NEK1: variants seen among roughly 807,000 people sequenced by gnomAD.
NEK1 encodes the protein NIMA related kinase 1, also known as serine/threonine-protein kinase Nek1.
A neutral mutation model predicts 182.1 loss-of-function variants in NEK1; 137 were observed. That is an observed-to-expected ratio of 0.75 (90% CI 0.65 to 0.87). The LOEUF (loss-of-function observed/expected upper bound fraction) is 0.87. NEK1 is among the 40% of genes least tolerant of loss of function. The pLI is 0.00. For synonymous variants in NEK1, 513 were observed against 492.2 expected, an observed-to-expected ratio of 1.04 and a Z score of -0.56; for missense variants, 1,391 against 1,494.4, an observed-to-expected ratio of 0.93 and a Z score of 1.14.
intron 2 of NEK1, among the ~76,000 whole-genome samples, chr4:169,608,783 G>A (rs1161778896): frequency 6.6e-6 from 1 of 152,072 alleles, no homozygotes; most frequent in Non-Finnish European, 1.5e-5. Flanking sequence ...TTTTGGCCGG[G>A]CATGGTGGCT....
chr4:169,414,874 T>C (rs1734269384), intron 31 of NEK1, among the ~76,000 whole-genome samples: 1 of 152,200 alleles, frequency 6.6e-6, no homozygotes, highest in South Asian at 2.1e-4. Flanking sequence ...ACAAAAAAGT[T>C]TTCATGAAGA....
chr4:169,574,328 GC>G (rs1483503808), intron 12 of NEK1, among the ~76,000 whole-genome samples: 2 of 152,222 alleles, frequency 1.3e-5, no homozygotes, highest in Non-Finnish European at 2.9e-5. Flanking sequence ...GGGCGTGGTG[GC>G]TCATGCCCGT....
chr4:169,483,226 A>G (rs953818185), intron 23 of NEK1, among the ~76,000 whole-genome samples: 6 of 152,180 alleles, frequency 3.9e-5, no homozygotes, highest in African/African-American at 1.4e-4. Flanking sequence ...ACACACATTC[A>G]TCAATTAAAT....
intron 27 of NEK1, among the ~76,000 whole-genome samples, chr4:169,448,516 G>A (rs1741027743): frequency 6.6e-6 from 1 of 151,852 alleles, no homozygotes; most frequent in African/African-American, 2.4e-5. Flanking sequence ...CTAAAATGAA[G>A]ATATGAAGGA....
intron 18 of NEK1, among the ~76,000 whole-genome samples, chr4:169,539,465 T>A (rs1201002134): frequency 6.6e-6 from 1 of 152,176 alleles, no homozygotes; most frequent in Admixed American, 6.6e-5. Context: ...ACTTATTTCC[T>A]GTATATATCA....
chr4:169,595,562 T>A (rs1355402011), intron 5 of NEK1, among the ~76,000 whole-genome samples: 1 of 152,164 alleles, frequency 6.6e-6, no homozygotes, highest in African/African-American at 2.4e-5. Flanking sequence ...ACCAAGGCCA[T>A]ACCTGGAGTG....
intron 18 of NEK1, among the ~76,000 whole-genome samples, chr4:169,550,987 C>T (rs1000440033): frequency 1.3e-5 from 2 of 152,118 alleles, no homozygotes; most frequent in African/African-American, 4.8e-5. Context: ...GGTAAATTCG[C>T]AAATACGGAA....
At chr4:169,532,248 G>C (rs891798833) in intron 19 of NEK1, among the ~76,000 whole-genome samples, 1 of 152,164 alleles carries the variant, frequency 6.6e-6, no homozygotes, top group Non-Finnish European at 1.5e-5. Context: ...TAAATTATAT[G>C]TTAATAAAGC....
intron 2 of NEK1, among the ~76,000 whole-genome samples, chr4:169,607,501 T>C (rs1286033502): frequency 2.0e-5 from 3 of 152,162 alleles, no homozygotes; most frequent in East Asian, 3.8e-4. Context: ...CTCGCACTGT[T>C]GCCCAGGCTG....
intron 12 of NEK1, among the ~76,000 whole-genome samples, chr4:169,575,120 C>G (rs540633474): frequency 6.6e-6 from 1 of 152,154 alleles, no homozygotes; most frequent in African/African-American, 2.4e-5. Context: ...TGAGGGAAAG[C>G]TGGAGTCCTA....
At chr4:169,420,034 T>C (rs1735210626) in intron 31 of NEK1, among the ~76,000 whole-genome samples, 2 of 152,186 alleles carry the variant, frequency 1.3e-5, no homozygotes, top group South Asian at 2.1e-4. Context: ...TTTATAAACA[T>C]TGTATACATA....
intron 5 of NEK1, among the ~76,000 whole-genome samples, chr4:169,596,491 T>C (rs1393519735): frequency 1.3e-5 from 2 of 151,934 alleles, no homozygotes; most frequent in East Asian, 3.8e-4. Flanking sequence ...AATATCTATG[T>C]AGAGACTGTC....
intron 4 of NEK1, among the ~76,000 whole-genome samples, chr4:169,600,483 C>A (rs542637525): frequency 7.3e-4 from 111 of 152,244 alleles, no homozygotes; most frequent in African/African-American, 2.5e-3. Context: ...CAATTGTGAG[C>A]CACCGCATCC....
chr4:169,608,347 TA>T (rs1771742940), intron 2 of NEK1, among the ~76,000 whole-genome samples: 1 of 152,102 alleles, frequency 6.6e-6, no homozygotes, highest in Non-Finnish European at 1.5e-5. Flanking sequence ...AATTTTGAAA[TA>T]AAAAGTTCAA....
intron 10 of NEK1, among the ~76,000 whole-genome samples, chr4:169,584,857 A>G (rs994457104): frequency 2.0e-5 from 3 of 152,182 alleles, no homozygotes; most frequent in Admixed American, 6.5e-5. Context: ...GGAATAACGC[A>G]TAACTGGAAA....
At chr4:169,448,714 C>G (rs760058609) in intron 27 of NEK1, among the ~76,000 whole-genome samples, 5 of 152,180 alleles carry the variant, frequency 3.3e-5, no homozygotes, top group Non-Finnish European at 7.3e-5. Context: ...AGGAACAGCT[C>G]CAGTCTACAG....
intron 5 of NEK1, among the ~76,000 whole-genome samples, chr4:169,598,778 A>C (rs759595761): frequency 6.6e-6 from 1 of 152,210 alleles, no homozygotes; most frequent in Non-Finnish European, 1.5e-5. Context: ...TTTTAGGAAT[A>C]TATAGTCTGG....
chr4:169,553,953 T>C (rs1164720567), intron 18 of NEK1: 2 of 152,158 alleles, frequency 1.3e-5, no homozygotes, highest in African/African-American at 2.4e-5. Flanking sequence ...AAATCAAACA[T>C]ACTCTTAAGA....
intron 32 of NEK1, among the ~76,000 whole-genome samples, chr4:169,405,546 G>C (rs1267301425): frequency 6.6e-6 from 1 of 152,154 alleles, no homozygotes; most frequent in Non-Finnish European, 1.5e-5. Flanking sequence ...TGTAATCCTA[G>C]CTATTTGGGA....
Sources: allele counts gnomAD v4.1 joint callset (sites outside exome capture counted in the v4.1 genomes callset), GRCh38; gene constraint gnomAD v4.1.1; transcripts MANE v1.5; gene names NCBI Gene and HGNC (gene_info 2026-07-23, HGNC 2026-07-21).